The following PTPN13 variants were observed in gnomAD, a reference collection of about 807,000 sequenced individuals.
The protein encoded by PTPN13 is protein tyrosine phosphatase non-receptor type 13, also known as tyrosine-protein phosphatase non-receptor type 13.
Under a neutral mutation model 284.0 loss-of-function variants are expected in PTPN13, and 191 were observed. The ratio of observed to expected loss-of-function variants is 0.67; its 90% confidence interval spans 0.60 to 0.76. PTPN13 has a LOEUF of 0.76. PTPN13 is among the 30% of genes least tolerant of loss of function. The probability of loss-of-function intolerance (pLI) is 0.00; values close to 1 mark genes in which losing one functional copy is unlikely to be tolerated. For missense variants in PTPN13, 2,797 were observed against 2,939.9 expected (o/e 0.95, Z 1.12); for synonymous variants, 986 against 1,022.3 (o/e 0.96, Z 0.68).
At chr4:86,606,115 CT>C (rs1225291257) in intron 1 of PTPN13, among the ~76,000 whole-genome samples, 4 of 151,728 alleles carry the variant, frequency 2.6e-5, no homozygotes, top group African/African-American at 9.7e-5. Flanking sequence ...AATAAGCCAA[CT>C]ATTGATTGAA....
At chr4:86,732,259 C>T (rs999587710) in intron 10 of PTPN13, 141 bp from the exon 11 acceptor site, 5 of 651,986 alleles carry the variant, frequency 7.7e-6, no homozygotes, top group East Asian at 5.7e-5. Flanking sequence ...AAAGCTTCAA[C>T]GTTTGTTTTA....
Position 86,814,729 on chromosome 4 carries a change from G to T in PTPN13, c.*178G>T. The T allele has an allele frequency of 1.8e-6, 1 of 543,642 alleles. No homozygotes were observed. The highest frequency in any genetic ancestry group is 3.3e-6 in the Non-Finnish European group (1 of 302,226). The allele number at this position is 543,642 out of a possible 1,614,324, so 33.7% of individuals were successfully genotyped here. On this transcript the variant is annotated 3_prime_UTR_variant, in exon 48 of 48. Coordinates refer to ENST00000411767, the MANE Select transcript of PTPN13 (RefSeq NM_080683.3). ...AATATTGAAATGCTGTATTTTTACAGCTACTTTAACCTATGATAATTATTT... is the reference window on the plus strand; with the variant it reads ...AATATTGAAATGCTGTATTTTTACATCTACTTTAACCTATGATAATTATTT...
rs770090280 is a variant in PTPN13 at position 86,763,022 on chromosome 4, C to A, written c.3849C>A (p.Ser1283=). 2 of 1,613,482 alleles carry A rather than the reference C, an allele frequency of 1.2e-6. No homozygotes were observed. The highest frequency in any genetic ancestry group is 1.7e-6 in the Non-Finnish European group (2 of 1,179,786). ...AGGAATCACAGCATGGCAGCCCTTC[C>A]CCATCTGTAATATCCAAAGCCACCG... ...TWQESQHGSP[S]PSVISKATEK... is the part of the protein sequence containing the mutation. Residue 1283 remains serine (S), a synonymous_variant, in exon 24 of 48, where the codon TCC becomes TCA. Transcript: ENST00000411767.
At chr4:86,724,281 G>GTAA (rs1733985571) in intron 10 of PTPN13, among the ~76,000 whole-genome samples, 1 of 152,106 alleles carries the variant, frequency 6.6e-6, no homozygotes, top group South Asian at 2.1e-4. Context: ...TCAAAACTAA[G>GTAA]TAATAGGCAG....
chr4:86,600,225 A>G (rs1764176521), intron 1 of PTPN13, among the ~76,000 whole-genome samples: 1 of 152,052 alleles, frequency 6.6e-6, no homozygotes. Context: ...ACTTAATGGT[A>G]TTTGCCACTT....
At chr4:86,769,592 A>G (rs1295842282) in intron 28 of PTPN13, among the ~76,000 whole-genome samples, 177 bp from the exon 29 acceptor site, 1 of 152,222 alleles carries the variant, frequency 6.6e-6, no homozygotes, top group Non-Finnish European at 1.5e-5. Context: ...TTAATGATGG[A>G]AATAGACTGT....
At chr4:86,683,523 TAGGG>T (rs1340430131) in intron 3 of PTPN13, among the ~76,000 whole-genome samples, 1 of 152,162 alleles carries the variant, frequency 6.6e-6, no homozygotes, top group African/African-American at 2.4e-5. Flanking sequence ...CCACCCATGA[TAGGG>T]AGGGCAGTCT....
chr4:86,618,605 G>A (rs1343419013), intron 1 of PTPN13, among the ~76,000 whole-genome samples: 8 of 152,038 alleles, frequency 5.3e-5, no homozygotes, highest in East Asian at 3.9e-4. Context: ...TATTTCATTG[G>A]GCAGTGGTTT....
At chr4:86,788,878 T>C (rs569117482) in intron 40 of PTPN13, among the ~76,000 whole-genome samples, 9 of 152,290 alleles carry the variant, frequency 5.9e-5, no homozygotes, top group African/African-American at 1.2e-4. Context: ...TTCTGTTAAA[T>C]GTTTATATGG....
intron 2 of PTPN13, among the ~76,000 whole-genome samples, chr4:86,671,778 G>A (rs575909356): frequency 1.3e-5 from 2 of 152,296 alleles, no homozygotes; most frequent in African/African-American, 4.8e-5. Flanking sequence ...ACATTTCATT[G>A]TAGTTAGAAA....
intron 3 of PTPN13, among the ~76,000 whole-genome samples, chr4:86,677,338 C>T (rs1416123847): frequency 8.6e-5 from 12 of 139,912 alleles, no homozygotes; most frequent in Non-Finnish European, 1.5e-4. Context: ...TTTTTTGAGA[C>T]GGAGTCTAGC....
At chr4:86,807,462 ATG>A in intron 44 of PTPN13, 96 bp from the exon 45 acceptor site, 1 of 881,010 alleles carries the variant, frequency 1.1e-6, no homozygotes, top group Non-Finnish European at 1.8e-6. Context: ...ATCTGTGACT[ATG>A]AGAATTTCTC....
intron 7 of PTPN13, among the ~76,000 whole-genome samples, chr4:86,710,906 G>T (rs1018914773): frequency 1.3e-5 from 2 of 151,754 alleles, no homozygotes; most frequent in African/African-American, 4.8e-5. Flanking sequence ...CTAGACTTCT[G>T]TCCAAATCTT....
chr4:86,692,364 G>T (rs1310773538), intron 5 of PTPN13, among the ~76,000 whole-genome samples: 1 of 152,112 alleles, frequency 6.6e-6, no homozygotes, highest in East Asian at 1.9e-4. Context: ...TCTTCTTATA[G>T]GTAGAAAACA....
chr4:86,728,969 G>C (rs1484853785), intron 10 of PTPN13, among the ~76,000 whole-genome samples: 1 of 148,726 alleles, frequency 6.7e-6, no homozygotes, highest in African/African-American at 2.5e-5. Flanking sequence ...TGTTTTTGCA[G>C]TGGCTGGTAC....
At chr4:86,740,328 G>T (rs1373687458) in intron 15 of PTPN13, among the ~76,000 whole-genome samples, 1 of 152,168 alleles carries the variant, frequency 6.6e-6, no homozygotes, top group East Asian at 1.9e-4. Flanking sequence ...CTAGGCGAAG[G>T]TTCCCAGACC....
At chr4:86,639,328 T>A (rs1369565017) in intron 2 of PTPN13, among the ~76,000 whole-genome samples, 1 of 152,114 alleles carries the variant, frequency 6.6e-6, no homozygotes, top group Non-Finnish European at 1.5e-5. Context: ...CATTACTGGG[T>A]ATATACCCAA....
At chr4:86,775,046 C>T in intron 33 of PTPN13, 125 bp from the exon 34 acceptor site, 1 of 623,800 alleles carries the variant, frequency 1.6e-6, no homozygotes, top group African/African-American at 1.9e-5. Context: ...TTAGAGATCA[C>T]TGTTGTGAAT....
In PTPN13 at chr4:86,752,126, A is replaced by G. The variant is rs115834389; in HGVS notation, c.3167-883A>G. ...TTTAAGCACAGAGATCTGAACTACT[A>G]CTCAAAATATGAAACAGCGTGGGAA... On this transcript the variant is annotated intron_variant, in intron 19 of 47. Coordinates refer to ENST00000411767, the MANE Select transcript of PTPN13 (RefSeq NM_080683.3). 9.4e-3 allele frequency among the ~76,000 whole-genome samples: 1,425 copies of G among 152,192 alleles called. 32 individuals carry two copies. The highest frequency in any genetic ancestry group is 0.033 in the African/African-American group (1,368 of 41,540).
Sources: gnomAD v4.1 joint callset for allele counts (sites outside exome capture counted in the v4.1 genomes callset) on GRCh38, gnomAD v4.1.1 for gene constraint, MANE v1.5 for transcripts, NCBI Gene and HGNC (gene_info 2026-07-23, HGNC 2026-07-21) for gene names.